The following MTHFD2L variants were observed in gnomAD, a reference collection of about 807,000 sequenced individuals.
MTHFD2L encodes the protein bifunctional methylenetetrahydrofolate dehydrogenase/cyclohydrolase 2, mitochondrial.
In MTHFD2L, 29 loss-of-function variants were observed where a neutral mutation model predicts 34.9. The ratio of observed to expected loss-of-function variants is 0.83; its 90% CI spans 0.62 to 1.13. The LOEUF (loss-of-function observed/expected upper bound fraction) is 1.13, where lower values mean the gene tolerates loss of function less well. Ranked by LOEUF, MTHFD2L falls within the 50% of genes most tolerant of loss-of-function variation. MTHFD2L has a pLI of 0.00. For synonymous variants in MTHFD2L, 167 were observed against 155.7 expected (o/e 1.07, Z -0.54); for missense variants, 481 against 446.5 (o/e 1.08, Z -0.70).
At chr4:74,225,775 AG>A (rs970630439) in intron 6 of MTHFD2L, among the ~76,000 whole-genome samples, 1 of 152,164 alleles carries the variant, frequency 6.6e-6, no homozygotes, top group African/African-American at 2.4e-5. Flanking sequence ...TAGAATGTTC[AG>A]GTGAGGGGAA....
At chr4:74,208,980 C>T (rs1437399527) in intron 5 of MTHFD2L, among the ~76,000 whole-genome samples, 2 of 152,030 alleles carry the variant, frequency 1.3e-5, no homozygotes, top group African/African-American at 2.4e-5. Context: ...ATCTAAGGGT[C>T]CCCGGCAGAA....
At chr4:74,165,019 T>C (rs1039240553) in intron 1 of MTHFD2L, 11 of 984,792 alleles carry the variant, frequency 1.1e-5, no homozygotes, top group Admixed American at 1.2e-4. Context: ...ATTTTTGATA[T>C]GCATTAATGG....
chr4:74,204,418 A>G (rs796561839), intron 5 of MTHFD2L, among the ~76,000 whole-genome samples: 2 of 152,242 alleles, frequency 1.3e-5, no homozygotes, highest in South Asian at 2.1e-4. Flanking sequence ...TCTAACTATC[A>G]TGTGTGAAGT....
At chr4:74,236,157 G>C (rs1010760720) in intron 6 of MTHFD2L, among the ~76,000 whole-genome samples, 1 of 152,088 alleles carries the variant, frequency 6.6e-6, no homozygotes, top group African/African-American at 2.4e-5. Context: ...GACTTGTCCA[G>C]GTTACCAGCT....
chr4:74,133,764 T>A (rs1722715105), intron 1 of MTHFD2L, among the ~76,000 whole-genome samples: 1 of 152,222 alleles, frequency 6.6e-6, no homozygotes, highest in East Asian at 1.9e-4. Flanking sequence ...AAAATTGCTA[T>A]TTTGAATTCT....
At chr4:74,117,937 A>G (rs1416925456) in intron 2 of MTHFD2L, among the ~76,000 whole-genome samples, 1 of 152,148 alleles carries the variant, frequency 6.6e-6, no homozygotes, top group Non-Finnish European at 1.5e-5. Context: ...TGCTGACTAC[A>G]TTTTACTTGC....
At chr4:74,219,868 G>A (rs1324592066) in intron 5 of MTHFD2L, among the ~76,000 whole-genome samples, 2 of 152,194 alleles carry the variant, frequency 1.3e-5, no homozygotes, top group South Asian at 4.2e-4. Context: ...ACTGACTGAG[G>A]AATATCAAGT....
At chr4:74,201,165 A>G (rs1734354831) in intron 4 of MTHFD2L, 98 bp from the exon 5 acceptor site, 3 of 780,608 alleles carry the variant, frequency 3.8e-6, no homozygotes, top group Non-Finnish European at 4.1e-6. Context: ...TTCAGATTTA[A>G]TTAGAAATTT....
chr4:74,196,957 A>C (rs920706445), intron 3 of MTHFD2L, among the ~76,000 whole-genome samples: 1 of 151,986 alleles, frequency 6.6e-6, no homozygotes, highest in Admixed American at 6.6e-5. Context: ...AAAAAAAAAA[A>C]AAAAAACCCA....
intron 7 of MTHFD2L, among the ~76,000 whole-genome samples, chr4:74,294,090 A>G (rs1431085140): frequency 6.6e-6 from 1 of 152,186 alleles, no homozygotes; most frequent in East Asian, 1.9e-4. Context: ...TCTTTAAAAG[A>G]GACAGTGAAA....
chr4:74,144,269 A>G (rs748039750), intron 1 of MTHFD2L, among the ~76,000 whole-genome samples: 1 of 152,106 alleles, frequency 6.6e-6, no homozygotes, highest in Non-Finnish European at 1.5e-5. Context: ...CCTGACCAAT[A>G]TGGTGAAACC....
In MTHFD2L at chr4:74,240,397, G is replaced by A. The variant is rs189542900; in HGVS notation, c.805+15003G>A. ...AGGCTTACAGAGATAACATACAAAG[G>A]TATCTGTTATAAATTTATTTATGAT... is the stretch of plus-strand genomic sequence containing the variant. On this transcript the variant is annotated intron_variant, in intron 6 of 7. Coordinates refer to ENST00000325278, the MANE Select transcript of MTHFD2L (RefSeq NM_001144978.3). Among the ~76,000 whole-genome samples the A allele has an allele frequency of 4.2e-3, 639 of 152,054 alleles. 7 individuals are homozygous for A. The highest frequency in any genetic ancestry group is 6.8e-3 in the Middle Eastern group (2 of 294).
chr4:74,212,634 T>G (rs1366920437), intron 5 of MTHFD2L, among the ~76,000 whole-genome samples: 1 of 152,184 alleles, frequency 6.6e-6, no homozygotes, highest in Non-Finnish European at 1.5e-5. Flanking sequence ...AATTTTAGAA[T>G]AAGTGTGATG....
At chr4:74,196,226 C>T (rs1395113678) in intron 3 of MTHFD2L, among the ~76,000 whole-genome samples, 2 of 151,972 alleles carry the variant, frequency 1.3e-5, no homozygotes, top group Non-Finnish European at 2.9e-5. Context: ...AATTTGTGAT[C>T]ATTTCAACAG....
chr4:74,297,381 C>A (rs1230411439), intron 7 of MTHFD2L, among the ~76,000 whole-genome samples: 1 of 151,964 alleles, frequency 6.6e-6, no homozygotes, highest in Non-Finnish European at 1.5e-5. Context: ...TGCCATGTGT[C>A]TTCATTAATC....
chr4:74,192,261 T>G (rs1732685091), intron 3 of MTHFD2L, among the ~76,000 whole-genome samples: 1 of 152,184 alleles, frequency 6.6e-6, no homozygotes, highest in African/African-American at 2.4e-5. Flanking sequence ...CCTCCCAACA[T>G]ATTGTTATAA....
At chr4:74,249,190 G>A (rs1288904050) in intron 6 of MTHFD2L, among the ~76,000 whole-genome samples, 1 of 150,046 alleles carries the variant, frequency 6.7e-6, no homozygotes, top group Non-Finnish European at 1.5e-5. Flanking sequence ...ATATATTTAG[G>A]ATAGTTAGCT....
chr4:74,165,778 A>G (rs1031097851), intron 1 of MTHFD2L, among the ~76,000 whole-genome samples: 3 of 152,244 alleles, frequency 2.0e-5, no homozygotes, highest in Non-Finnish European at 4.4e-5. Flanking sequence ...CTGAAACACC[A>G]CATAAACTGC....
intron 1 of MTHFD2L, among the ~76,000 whole-genome samples, chr4:74,147,675 C>G (rs1198473313): frequency 2.0e-5 from 3 of 152,104 alleles, no homozygotes; most frequent in African/African-American, 7.2e-5. Flanking sequence ...CCTCCCAACA[C>G]TTGTTATTTT....
Sources: allele counts gnomAD v4.1 joint callset (sites outside exome capture counted in the v4.1 genomes callset), GRCh38; gene constraint gnomAD v4.1.1; transcripts MANE v1.5; gene names NCBI Gene and HGNC (gene_info 2026-07-23, HGNC 2026-07-21).